The following PCDH7 variants were observed in gnomAD, a reference collection of about 807,000 sequenced individuals.
The protein encoded by PCDH7 is protocadherin 7, also known as protocadherin-7.
PCDH7 carries 17 observed loss-of-function variants against 58.9 expected under a neutral mutation model. The ratio of observed to expected loss-of-function variants is 0.29; its 90% confidence interval spans 0.20 to 0.43. The LOEUF (loss-of-function observed/expected upper bound fraction) is 0.43, where lower values mean the gene tolerates loss of function less well. Among genes scored for constraint, PCDH7 ranks in the 20% least tolerant of loss-of-function variants. The pLI is 1.00. For synonymous variants in PCDH7, 664 were observed against 616.4 expected (o/e 1.08, Z -1.14); for missense variants, 1,274 against 1,441.0 (o/e 0.88, Z 1.88).
At chr4:30,817,327 T>C (rs917906276) in intron 1 of PCDH7, among the ~76,000 whole-genome samples, 2 of 152,210 alleles carry the variant, frequency 1.3e-5, no homozygotes, top group African/African-American at 4.8e-5. Context: ...TCAAGCATTT[T>C]AGATTCATTC....
intron 2 of PCDH7, among the ~76,000 whole-genome samples, chr4:30,938,335 C>T (rs928587680): frequency 7.2e-5 from 11 of 152,108 alleles, no homozygotes; most frequent in African/African-American, 2.7e-4. Flanking sequence ...ACGTGATATG[C>T]ATTTCTAAAC....
intron 1 of PCDH7, among the ~76,000 whole-genome samples, chr4:30,846,037 A>G (rs1731902370): frequency 6.6e-6 from 1 of 152,176 alleles, no homozygotes; most frequent in Admixed American, 6.6e-5. Flanking sequence ...TAATGGTAAT[A>G]ATGGTAGTCT....
chr4:31,128,145 A>G (rs1234354980), intron 3 of PCDH7, among the ~76,000 whole-genome samples: 1 of 151,744 alleles, frequency 6.6e-6, no homozygotes, highest in Non-Finnish European at 1.5e-5. Context: ...ATATACATAT[A>G]TACACACACA....
At chr4:31,057,541 T>C (rs1360153127) in intron 3 of PCDH7, among the ~76,000 whole-genome samples, 1 of 152,198 alleles carries the variant, frequency 6.6e-6, no homozygotes, top group African/African-American at 2.4e-5. Flanking sequence ...GCCAGTTAGC[T>C]ATGGGAATCC....
chr4:30,727,504 T>C (rs1312309670), intron 1 of PCDH7, among the ~76,000 whole-genome samples: 2 of 151,990 alleles, frequency 1.3e-5, no homozygotes, highest in East Asian at 3.8e-4. Context: ...AAAAACTCAC[T>C]GATGATGTAG....
intron 1 of PCDH7, among the ~76,000 whole-genome samples, chr4:30,768,086 AT>A (rs1720970249): frequency 4.6e-5 from 7 of 152,170 alleles, no homozygotes. Flanking sequence ...CAACAGATTA[AT>A]TTTAATAATT....
chr4:30,985,767 G>A (rs970306135), intron 3 of PCDH7, among the ~76,000 whole-genome samples: 4 of 152,096 alleles, frequency 2.6e-5, no homozygotes, highest in Admixed American at 1.3e-4. Flanking sequence ...CTTAATCCTT[G>A]CTTTGCACAG....
chr4:30,916,864 T>C (rs950980647), intron 1 of PCDH7, among the ~76,000 whole-genome samples: 4 of 152,170 alleles, frequency 2.6e-5, no homozygotes, highest in African/African-American at 4.8e-5. Flanking sequence ...GATCTCTGAG[T>C]CCCGCCCTGA....
chr4:31,039,439 G>T (rs1051561457), intron 3 of PCDH7, among the ~76,000 whole-genome samples: 87 of 152,126 alleles, frequency 5.7e-4, no homozygotes, highest in African/African-American at 2.1e-3. Flanking sequence ...AGGCTGGAGT[G>T]CAGTGGCTGT....
At chr4:31,052,068 C>T (rs1038894717) in intron 3 of PCDH7, among the ~76,000 whole-genome samples, 3 of 151,984 alleles carry the variant, frequency 2.0e-5, no homozygotes, top group African/African-American at 4.8e-5. Context: ...TAATAGAAGG[C>T]TAATATTGCT....
At chr4:31,032,665 A>AGGAC (rs1560589890) in intron 3 of PCDH7, among the ~76,000 whole-genome samples, 6 of 81,810 alleles carry the variant, frequency 7.3e-5, no homozygotes, top group African/African-American at 3.0e-4. Context: ...AGAGGAAGGA[A>AGGAC]GGAAGGGAGG....
At chr4:30,797,930 T>C (rs1725003868) in intron 1 of PCDH7, among the ~76,000 whole-genome samples, 2 of 152,220 alleles carry the variant, frequency 1.3e-5, no homozygotes, top group African/African-American at 4.8e-5. Context: ...TATATACATA[T>C]ATGTCACGAA....
At chr4:31,111,176 A>C (rs1414829010) in intron 3 of PCDH7, among the ~76,000 whole-genome samples, 1 of 152,172 alleles carries the variant, frequency 6.6e-6, no homozygotes, top group Non-Finnish European at 1.5e-5. Context: ...AACTGCAAAC[A>C]AATATCCTTG....
chr4:30,840,651 G>T (rs908993355), intron 1 of PCDH7, among the ~76,000 whole-genome samples: 1 of 152,222 alleles, frequency 6.6e-6, no homozygotes, highest in South Asian at 2.1e-4. Context: ...AAATTCTCAA[G>T]TTACAGGATT....
chr4:30,752,484 C>G (rs540546353), intron 1 of PCDH7, among the ~76,000 whole-genome samples: 1 of 152,194 alleles, frequency 6.6e-6, no homozygotes, highest in African/African-American at 2.4e-5. Flanking sequence ...TATCCCTGAA[C>G]CTGAAACTTG....
chr4:30,795,155 A>G (rs1577835969), intron 1 of PCDH7, among the ~76,000 whole-genome samples: 1 of 152,126 alleles, frequency 6.6e-6, no homozygotes, highest in South Asian at 2.1e-4. Context: ...ATTTATTTGT[A>G]TACATTTTGA....
At chr4:31,045,120 G>T (rs895327309) in intron 3 of PCDH7, among the ~76,000 whole-genome samples, 4 of 151,348 alleles carry the variant, frequency 2.6e-5, no homozygotes, top group African/African-American at 9.8e-5. Context: ...ATTTATTCTA[G>T]CATGGTGGTG....
chr4:31,000,407 A>G (rs570250616), intron 3 of PCDH7, among the ~76,000 whole-genome samples: 2 of 152,276 alleles, frequency 1.3e-5, no homozygotes, highest in South Asian at 2.1e-4. Flanking sequence ...ATTACAAGGT[A>G]TATCTTAAAC....
intron 3 of PCDH7, among the ~76,000 whole-genome samples, chr4:30,988,145 G>T (rs538051441): frequency 6.6e-6 from 1 of 152,154 alleles, no homozygotes; most frequent in African/African-American, 2.4e-5. Context: ...GAATCACCAC[G>T]TGAGAAAGGA....
Sources: gnomAD v4.1 joint callset for allele counts (sites outside exome capture counted in the v4.1 genomes callset) on GRCh38, gnomAD v4.1.1 for gene constraint, MANE v1.5 for transcripts, NCBI Gene and HGNC (gene_info 2026-07-23, HGNC 2026-07-21) for gene names.